The following MRS2 variants were observed in gnomAD, a reference collection of about 807,000 sequenced individuals.
The protein encoded by MRS2 is magnesium transporter MRS2, also known as magnesium transporter MRS2 homolog, mitochondrial.
Under a neutral mutation model 52.6 loss-of-function variants are expected in MRS2, and 40 were observed. The observed-to-expected ratio is 0.76, with a 90% confidence interval of 0.59 to 0.99. The LOEUF (loss-of-function observed/expected upper bound fraction) is 0.99. MRS2 is among the 50% of genes least tolerant of loss of function. MRS2 has a pLI of 0.00. For synonymous variants in MRS2, 193 were observed against 195.9 expected, an observed-to-expected ratio of 0.98 and a Z score of 0.13; for missense variants, 472 against 532.7, an observed-to-expected ratio of 0.89 and a Z score of 1.12.
At chr6:24,421,869 C>T (rs917572636) in intron 9 of MRS2, among the ~76,000 whole-genome samples, 1 of 152,170 alleles carries the variant, frequency 6.6e-6, no homozygotes, top group Non-Finnish European at 1.5e-5. Flanking sequence ...GCATATAGGA[C>T]TGGGGGTTGT....
At position 24,412,296 on chromosome 6, in the gene MRS2, G is replaced by A. The variant is rs1216432059; in HGVS notation, c.489G>A (p.Leu163=). Residue 163 remains leucine, a synonymous_variant, in exon 5 of 11, where the codon CTG becomes CTA. Coordinates refer to ENST00000378386, the MANE Select transcript of MRS2 (RefSeq NM_020662.4). ...DYRNLNLEQW[L]FRELPSQLSG... is the part of the protein sequence containing the mutation. ...GTAATTTAAACTTAGAGCAATGGCT[G>A]TTCCGGGAACTCCCTTCACAGTTGT... 1.2e-6 allele frequency: 2 copies of A among 1,604,668 alleles called. No homozygotes were observed. Among genetic ancestry groups the A allele is most frequent in the African/African-American group, 1.3e-5 (1 of 74,364 alleles).
At chr6:24,418,262 G>A in intron 8 of MRS2, 26 bp downstream of exon 8, 1 of 1,522,592 alleles carries the variant, frequency 6.6e-7, no homozygotes, top group Non-Finnish European at 8.8e-7. Flanking sequence ...ATAAAACTAA[G>A]TTTTTTTAAT....
intron 10 of MRS2, chr6:24,423,358 T>C: frequency 4.1e-6 from 2 of 484,648 alleles, no homozygotes; most frequent in Non-Finnish European, 7.3e-6. Flanking sequence ...GGTATAAGGT[T>C]TGTCATAACC....
At position 24,418,587 on chromosome 6, in the gene MRS2, G is replaced by T. The variant is rs756710648; in HGVS notation, c.1107+9G>T. 5 of 1,595,322 alleles carry T rather than the reference G, an allele frequency of 3.1e-6. No individual in the cohort carries two copies. The South Asian group carries it at 5.5e-5, about 18-fold the overall frequency. On this transcript the variant is annotated intron_variant, in intron 9 of 10. Transcript: ENST00000378386. ...AATCTTCCCTTGAAGAGGTGAGAATGTATTATTATTTCTAAAACTTGGGGG... is the reference window on the plus strand; with the variant it reads ...AATCTTCCCTTGAAGAGGTGAGAATTTATTATTATTTCTAAAACTTGGGGG...
Position 24,405,269 on chromosome 6 carries a change from G to A in MRS2, c.264+28G>A, listed in dbSNP as rs188960434. The A allele has an allele frequency of 9.8e-6, 15 of 1,523,194 alleles. No individual in the cohort carries two copies. In the East Asian group the frequency reaches 1.1e-4, roughly 11 times the overall value. The allele number at this position is 1,523,194 out of a possible 1,614,324, so 94.4% of individuals were successfully genotyped here. On this transcript the variant is annotated intron_variant, in intron 2 of 10. Transcript: ENST00000378386. ...GAGTATGTACAGTACATTGGAAATC[G>A]TACAGAAAGTGCTTCCCATACATAA...
intron 1 of MRS2, 53 bp downstream of exon 1, chr6:24,403,289 AGAC>A: frequency 6.8e-7 from 1 of 1,469,306 alleles, no homozygotes; most frequent in Non-Finnish European, 9.0e-7. Flanking sequence ...CAGTGACCTT[AGAC>A]TGCTGCCCCA....
chr6:24,406,426 A>G (rs1343898791), intron 2 of MRS2, among the ~76,000 whole-genome samples: 2 of 152,192 alleles, frequency 1.3e-5, no homozygotes, highest in Non-Finnish European at 2.9e-5. Flanking sequence ...AATTGCGTTT[A>G]AAAGTTACCA....
Position 24,425,981 on chromosome 6 carries a change from T to C in MRS2, c.*2287T>C, listed in dbSNP as rs1191292852. 1 of 152,232 alleles carries C rather than the reference T, an allele frequency of 6.6e-6. No individual in the cohort carries two copies. The highest frequency in any genetic ancestry group is 1.9e-4 in the East Asian group (1 of 5,198). 9.4% of individuals were successfully genotyped at this position (152,232 alleles called of 1,614,324 possible). ...CAGAGGTGAGCTAATGGATGGTACATGGAGTAGGGACTGCAGAGACCCTAG... is the reference window on the plus strand; with the variant it reads ...CAGAGGTGAGCTAATGGATGGTACACGGAGTAGGGACTGCAGAGACCCTAG... On this transcript the variant is annotated 3_prime_UTR_variant, in exon 11 of 11. Coordinates refer to ENST00000378386, the MANE Select transcript of MRS2 (RefSeq NM_020662.4).
chr6:24,411,115 T>C (rs985715476), intron 4 of MRS2, among the ~76,000 whole-genome samples: 5 of 150,966 alleles, frequency 3.3e-5, no homozygotes, highest in Non-Finnish European at 5.9e-5. Flanking sequence ...GCTTGAACCC[T>C]GAAGGTGGAG....
intron 9 of MRS2, among the ~76,000 whole-genome samples, chr6:24,422,315 G>C (rs7738943): frequency 0.084 from 12,726 of 152,164 alleles, 611 homozygotes; most frequent in African/African-American, 0.13. Context: ...CCTTGTGAGA[G>C]ATTAAATTTA....
chr6:24,423,512 C>A, intron 10 of MRS2, 72 bp from the exon 11 acceptor site: 2 of 787,196 alleles, frequency 2.5e-6, no homozygotes, highest in Non-Finnish European at 4.2e-6. Context: ...TGAGTAGTTA[C>A]ATAATACATC....
chr6:24,403,198 C>T lies in MRS2; in HGVS notation c.152C>T (p.Ala51Val). The change falls in exon 1 of 11, where the codon GCG (alanine) becomes GTG (valine). Residue 51 changes from alanine (A) to valine (V), a missense_variant. Transcript: ENST00000378386. ...RRANLIGRSRAAQLCGPDRLR... is the reference protein window; with the variant it reads ...RRANLIGRSRVAQLCGPDRLR... ...GCCAACCTGATTGGAAGGAGCCGAG[C>T]GGCGCAGCTTTGCGGGCCCGACCGG... 2 of 1,603,580 alleles carry T rather than the reference C, an allele frequency of 1.2e-6. No individual in the cohort carries two copies. The highest frequency in any genetic ancestry group is 1.7e-6 in the Non-Finnish European group (2 of 1,179,498).
At chr6:24,410,847 T>C in intron 4 of MRS2, 1 of 1,023,824 alleles carries the variant, frequency 9.8e-7, no homozygotes. Context: ...GTAATCTAAC[T>C]GGTGGGTATA....
intron 3 of MRS2, 47 bp from the exon 4 acceptor site, chr6:24,409,414 C>A: frequency 1.7e-6 from 2 of 1,184,436 alleles, no homozygotes; most frequent in East Asian, 2.5e-5. Flanking sequence ...AAAATCTAAG[C>A]CATTTAATGT....
Position 24,424,356 on chromosome 6 carries a change from T to C in MRS2, c.*662T>C, listed in dbSNP as rs535456982. 1 of 151,416 alleles carries C rather than the reference T, an allele frequency of 6.6e-6. No individual in the cohort carries two copies. Among genetic ancestry groups the C allele is most frequent in the Non-Finnish European group, 1.5e-5 (1 of 68,040 alleles). The allele number at this position is 151,416 out of a possible 1,614,324, so 9.4% of individuals were successfully genotyped here. On this transcript the variant is annotated 3_prime_UTR_variant, in exon 11 of 11. Coordinates refer to ENST00000378386, the MANE Select transcript of MRS2 (RefSeq NM_020662.4). Reference sequence around the variant, plus strand: ...GTAATTAGAGCCTTTGGAAGCAAAGTTGAAAGGAAGTATTTCCATTCTGTT... The same window carrying C: ...GTAATTAGAGCCTTTGGAAGCAAAGCTGAAAGGAAGTATTTCCATTCTGTT...
At chr6:24,411,946 A>G (rs568105282) in intron 4 of MRS2, among the ~76,000 whole-genome samples, 1 of 148,934 alleles carries the variant, frequency 6.7e-6, no homozygotes, top group South Asian at 2.1e-4. Flanking sequence ...AGTTTTATTG[A>G]GAGTGAGTTA....
chr6:24,411,001 C>G (rs934256846), intron 4 of MRS2, among the ~76,000 whole-genome samples: 2 of 151,920 alleles, frequency 1.3e-5, no homozygotes, highest in African/African-American at 4.8e-5. Flanking sequence ...CCAGCCTGAC[C>G]AACATGGTGA....
intron 8 of MRS2, 52 bp from the exon 9 acceptor site, chr6:24,418,409 C>T: frequency 1.2e-6 from 2 of 1,606,792 alleles, no homozygotes; most frequent in Non-Finnish European, 8.5e-7. Flanking sequence ...GATGAATGTG[C>T]TGTATATAGT....
chr6:24,423,270 C>T (rs1034301454), intron 10 of MRS2: 3 of 505,614 alleles, frequency 5.9e-6, no homozygotes, highest in Non-Finnish European at 1.0e-5. Context: ...TACTAGCACA[C>T]TGCCTAACAC....
Sources: gnomAD v4.1 joint callset for allele counts (sites outside exome capture counted in the v4.1 genomes callset) on GRCh38, gnomAD v4.1.1 for gene constraint, MANE v1.5 for transcripts, NCBI Gene and HGNC (gene_info 2026-07-23, HGNC 2026-07-21) for gene names.